Variants in CATSPERE observed in about 807,000 individuals in gnomAD.
CATSPERE encodes catsper channel auxiliary subunit epsilon.
Under a neutral mutation model 114.1 loss-of-function variants are expected in CATSPERE, and 93 were observed. The ratio of observed to expected loss-of-function variants is 0.81; its 90% CI spans 0.69 to 0.97. The LOEUF is 0.97. CATSPERE is among the 50% of genes least tolerant of loss of function. CATSPERE has a pLI of 0.00. For synonymous variants in CATSPERE, 341 were observed against 384.1 expected, an observed-to-expected ratio of 0.89 and a Z score of 1.31; for missense variants, 1,058 against 1,131.6, an observed-to-expected ratio of 0.93 and a Z score of 0.93.
At chr1:244,527,817 C>T (rs1225288740) in intron 8 of CATSPERE, among the ~76,000 whole-genome samples, 3 of 152,198 alleles carry the variant, frequency 2.0e-5, no homozygotes, top group Non-Finnish European at 4.4e-5. Flanking sequence ...TCCCTCCGTT[C>T]AGGGTCCCTG....
intron 6 of CATSPERE, among the ~76,000 whole-genome samples, chr1:244,496,660 G>A (rs937880735): frequency 3.2e-4 from 48 of 152,068 alleles, no homozygotes; most frequent in African/African-American, 2.4e-5. Context: ...TAAAGATACG[G>A]ATTTTCCTGA....
chr1:244,546,351 C>T (rs1224608639), intron 8 of CATSPERE, among the ~76,000 whole-genome samples: 1 of 152,090 alleles, frequency 6.6e-6, no homozygotes, highest in Non-Finnish European at 1.5e-5. Context: ...GAATTGTTTT[C>T]CCAGACAAAA....
chr1:244,518,651 A>G lies in CATSPERE; in HGVS notation c.489A>G (p.Thr163=), dbSNP rs756525241. The change falls in exon 8 of 22, where the codon ACA becomes ACG. Residue 163 remains threonine, a synonymous_variant. Transcript: ENST00000366534. ...ATLGQKPVIH[T]VLKRKVYSSN... Reference sequence around the variant, plus strand: ...TGGGACAGAAGCCTGTCATACATACAGTTCTGAAGAGAAAAGTTTATTCTT... The same window carrying G: ...TGGGACAGAAGCCTGTCATACATACGGTTCTGAAGAGAAAAGTTTATTCTT... 3 of 1,590,220 alleles carry G rather than the reference A, an allele frequency of 1.9e-6. No individual in the cohort carries two copies. The African/African-American group carries it at 4.0e-5, about 21-fold the overall frequency.
chr1:244,529,508 GATT>G (rs1679255081), intron 8 of CATSPERE, among the ~76,000 whole-genome samples: 1 of 151,812 alleles, frequency 6.6e-6, no homozygotes, highest in South Asian at 2.1e-4. Context: ...TTTTTATTTG[GATT>G]ATTATATTTT....
rs28722731 is a variant in CATSPERE, at chr1:244,612,591, G to A, written c.2490+2265G>A. Among the ~76,000 whole-genome samples the A allele has an allele frequency of 1.7e-3, 265 of 152,316 alleles. 1 individual carries two copies. The highest frequency in any genetic ancestry group is 6.1e-3 in the African/African-American group (254 of 41,576). On this transcript the variant is annotated intron_variant, in intron 19 of 21. Transcript: ENST00000366534. ...CAGAATCCGATTTGAGTTTCTCGATGTGGCTGAAAATACTAGACTGGGAAG... is the reference window on the plus strand; with the variant it reads ...CAGAATCCGATTTGAGTTTCTCGATATGGCTGAAAATACTAGACTGGGAAG...
chr1:244,620,951 T>G lies in CATSPERE; in HGVS notation c.2648+3265T>G, dbSNP rs148878990. On this transcript the variant is annotated intron_variant, in intron 20 of 21. Coordinates refer to ENST00000366534, the MANE Select transcript of CATSPERE (RefSeq NM_001130957.2). Reference sequence around the variant, plus strand: ...CCTAAGGCTTTGAAGGGCAAAATCCTTAGGGAAGATGGCAAGGATACATGC... The same window carrying G: ...CCTAAGGCTTTGAAGGGCAAAATCCGTAGGGAAGATGGCAAGGATACATGC... 8.1e-3 allele frequency among the ~76,000 whole-genome samples: 1,170 copies of G among 144,774 alleles called. 16 individuals carry two copies. The highest frequency in any genetic ancestry group is 0.029 in the African/African-American group (1,121 of 38,696). 95.0% of individuals were successfully genotyped at this position (144,774 alleles called of 152,430 possible). A position where few individuals can be genotyped will look rare whatever the true frequency, so the allele number is the denominator to read the frequency against.
In CATSPERE at chr1:244,635,542, G is replaced by A. The variant is rs1195925765; in HGVS notation, c.2702G>A (p.Ser901Asn). Reference sequence around the variant, plus strand: ...ATAGAGACATTTGGACTGATTCCCAGGTAAGGAGCAGGGCCTAACTGGACT... The same window carrying A: ...ATAGAGACATTTGGACTGATTCCCAAGTAAGGAGCAGGGCCTAACTGGACT... ...FAIETFGLIP[S>N]PSVYLVASFL... Residue 901 changes from serine to asparagine, a missense_variant and splice_region_variant, in exon 21 of 22, where the codon AGT (serine) becomes AAT (asparagine). By Grantham distance (46) the Ser-to-Asn change is conservative (BLOSUM62 1). Coordinates refer to ENST00000366534, the MANE Select transcript of CATSPERE (RefSeq NM_001130957.2). 6.2e-7 allele frequency: 1 copy of A among 1,611,536 alleles called. No homozygotes were observed. Among genetic ancestry groups the A allele is most frequent in the Non-Finnish European group, 8.5e-7 (1 of 1,178,026 alleles).
At chr1:244,482,794 A>G (rs931992690) in intron 5 of CATSPERE, among the ~76,000 whole-genome samples, 8 of 152,056 alleles carry the variant, frequency 5.3e-5, no homozygotes, top group African/African-American at 1.7e-4. Context: ...TATCCTGGAT[A>G]TTGTTTTTTG....
rs1042991027 is a variant in CATSPERE, at chr1:244,461,404, G to C, written c.-26G>C. 21 of 1,351,306 alleles carry C rather than the reference G, an allele frequency of 1.6e-5. No homozygotes were observed. The South Asian group carries it at 2.9e-4, about 19-fold the overall frequency. The allele number at this position is 1,351,306 out of a possible 1,614,324, so 83.7% of individuals were successfully genotyped here. A position where few individuals can be genotyped will look rare whatever the true frequency, so the allele number is the denominator to read the frequency against. ...AGGCCTGGACGGGAGTGGCCGAGGCGGTTGGGCGGAGGCGGAGCAGGCGCC... is the reference window on the plus strand; with the variant it reads ...AGGCCTGGACGGGAGTGGCCGAGGCCGTTGGGCGGAGGCGGAGCAGGCGCC... On this transcript the variant is annotated 5_prime_UTR_variant, in exon 1 of 22. Coordinates refer to ENST00000366534, the MANE Select transcript of CATSPERE (RefSeq NM_001130957.2).
intron 12 of CATSPERE, among the ~76,000 whole-genome samples, chr1:244,583,601 T>C (rs890348886): frequency 2.6e-5 from 4 of 152,200 alleles, no homozygotes; most frequent in African/African-American, 9.7e-5. Flanking sequence ...TGCTCATTTC[T>C]GCTTCCCATC....
intron 1 of CATSPERE, among the ~76,000 whole-genome samples, chr1:244,455,465 C>T (rs926096296): frequency 4.0e-5 from 6 of 150,868 alleles, no homozygotes; most frequent in African/African-American, 4.9e-5. Flanking sequence ...AAATATTGGC[C>T]GCTTGGCGTG....
chr1:244,563,150 T>G (rs1005644548), intron 10 of CATSPERE, among the ~76,000 whole-genome samples: 8 of 152,326 alleles, frequency 5.3e-5, no homozygotes, highest in Admixed American at 4.6e-4. Flanking sequence ...GGCATTTGGG[T>G]TGGTATCCAG....
At position 244,575,682 on chromosome 1, in the gene CATSPERE, C is replaced by G. The variant is rs1665139111; in HGVS notation, c.1950+2910C>G. Among the ~76,000 whole-genome samples the G allele has an allele frequency of 1.3e-5, 2 of 152,098 alleles. No homozygotes were observed. The highest frequency in any genetic ancestry group is 1.3e-4 in the Admixed American group (2 of 15,278). ...TCTCTAACTTCCTCTCCTAGTTTCTCTTTCCTCTCTGCTGGTCTTTCCCTT... is the reference window on the plus strand; with the variant it reads ...TCTCTAACTTCCTCTCCTAGTTTCTGTTTCCTCTCTGCTGGTCTTTCCCTT... On this transcript the variant is annotated intron_variant, in intron 11 of 21. Transcript: ENST00000366534. This position sits in a 1 kb window ranked among gnomAD's most constrained non-coding sequence, Gnocchi z 4.5.
intron 20 of CATSPERE, among the ~76,000 whole-genome samples, chr1:244,629,732 C>G (rs974437596): frequency 6.6e-6 from 1 of 151,950 alleles, no homozygotes; most frequent in Non-Finnish European, 1.5e-5. Context: ...CCCTGCCTCC[C>G]AAGCTCAAGC....
intron 9 of CATSPERE, among the ~76,000 whole-genome samples, chr1:244,556,826 A>C (rs1661650571): frequency 2.6e-5 from 4 of 152,202 alleles, no homozygotes; most frequent in Admixed American, 2.6e-4. Flanking sequence ...CAGGTTACAA[A>C]ATCAACATAA....
At chr1:244,608,329 CTG>C (rs1337588202) in intron 18 of CATSPERE, among the ~76,000 whole-genome samples, 1 of 151,788 alleles carries the variant, frequency 6.6e-6, no homozygotes, top group Non-Finnish European at 1.5e-5. Context: ...GCCTAGGAGT[CTG>C]AGACCAGCCT....
rs1283575820 is a variant in CATSPERE at position 244,499,079 on chromosome 1, A to G, written c.429A>G (p.Ile143Met). ...TGGGGAATGCAGAAGAACCTTCAAT[A>G]GTAGGTGGAAACATTAGTATCGTCA... ...ELLGNAEEPSINSIVLSTQMA... is the reference protein window; with the variant it reads ...ELLGNAEEPSMNSIVLSTQMA... Residue 143 changes from isoleucine (I) to methionine (M), a missense_variant and splice_region_variant, in exon 7 of 22, where the codon ATA (isoleucine) becomes ATG (methionine). Transcript: ENST00000366534. 1 of 1,602,506 alleles carries G rather than the reference A, an allele frequency of 6.2e-7. No homozygotes were observed. Among genetic ancestry groups the G allele is most frequent in the African/African-American group, 1.3e-5 (1 of 74,766 alleles).
intron 5 of CATSPERE, among the ~76,000 whole-genome samples, chr1:244,483,451 A>T (rs908489732): frequency 4.5e-4 from 68 of 152,334 alleles, no homozygotes; most frequent in South Asian, 6.2e-4. Context: ...CACTAGTAGT[A>T]CGTGAAAGTT....
chr1:244,522,770 C>T (rs1263954535), intron 8 of CATSPERE, among the ~76,000 whole-genome samples: 1 of 152,060 alleles, frequency 6.6e-6, no homozygotes, highest in African/African-American at 2.4e-5. Flanking sequence ...ATACACTCTC[C>T]CAAGACTAAA....
Sources: allele counts gnomAD v4.1 joint callset (sites outside exome capture counted in the v4.1 genomes callset), GRCh38; gene constraint gnomAD v4.1.1; non-coding constraint Gnocchi (gnomAD v3.1); transcripts MANE v1.5; gene names NCBI Gene and HGNC (gene_info 2026-07-23, HGNC 2026-07-21).